Variants in WNT2B observed in about 807,000 individuals in gnomAD.
The protein encoded by WNT2B is protein Wnt-2b.
WNT2B carries 19 observed loss-of-function variants against 40.5 expected under a neutral mutation model. The ratio of observed to expected loss-of-function variants is 0.47; its 90% CI spans 0.33 to 0.69. WNT2B has a LOEUF of 0.69. WNT2B is among the 30% of genes least tolerant of loss of function. The pLI, the probability that WNT2B is intolerant of heterozygous loss-of-function variation, is 0.02. For synonymous variants in WNT2B, 220 were observed against 211.9 expected, an observed-to-expected ratio of 1.04 and a Z score of -0.33; for missense variants, 467 against 556.4, an observed-to-expected ratio of 0.84 and a Z score of 1.62.
At chr1:112,483,893 A>G (rs896627735) in intron 1 of WNT2B, among the ~76,000 whole-genome samples, 1 of 151,014 alleles carries the variant, frequency 6.6e-6, no homozygotes, top group Non-Finnish European at 1.5e-5. Flanking sequence ...CAGATGGCCA[A>G]TAAGTATATG....
In WNT2B at chr1:112,527,601, T is replaced by A. The variant is rs1653668593; in HGVS notation, c.*7092T>A. On this transcript the variant is annotated 3_prime_UTR_variant, in exon 5 of 5. Transcript: ENST00000369684. ...AGCAGGAGAGTGTTGAATGAGCTGC[T>A]GATGACAGCAGCTTCATAGGTCTTG... 6.5e-6 allele frequency: 1 copy of A among 152,674 alleles called. No homozygotes were observed. Among genetic ancestry groups the A allele is most frequent in the South Asian group, 2.1e-4 (1 of 4,830 alleles). The allele number at this position is 152,674 out of a possible 1,614,324, so 9.5% of individuals were successfully genotyped here.
chr1:112,479,402 C>T (rs969227565), intron 1 of WNT2B, among the ~76,000 whole-genome samples: 5 of 150,574 alleles, frequency 3.3e-5, no homozygotes, highest in Non-Finnish European at 5.9e-5. Context: ...GGTGAAACCC[C>T]GTCTCTACTA....
At position 112,520,797 on chromosome 1, in the gene WNT2B, A is replaced by G. The variant is rs758262425; in HGVS notation, c.*288A>G. ...TCTTTAGAGTGAAATGAGTTGCACTAAAGTACGTAGTTGAGGCTCCTTTTT... is the reference window on the plus strand; with the variant it reads ...TCTTTAGAGTGAAATGAGTTGCACTGAAGTACGTAGTTGAGGCTCCTTTTT... On this transcript the variant is annotated 3_prime_UTR_variant, in exon 5 of 5. Transcript: ENST00000369684. 6.7e-6 allele frequency: 3 copies of G among 449,042 alleles called. No individual in the cohort carries two copies. Among genetic ancestry groups the G allele is most frequent in the Admixed American group, 3.7e-5 (1 of 27,054 alleles). The allele number at this position is 449,042 out of a possible 1,614,324, so 27.8% of individuals were successfully genotyped here.
chr1:112,470,808 G>A (rs1323242493), intron 1 of WNT2B, among the ~76,000 whole-genome samples: 1 of 152,096 alleles, frequency 6.6e-6, no homozygotes, highest in East Asian at 1.9e-4. Flanking sequence ...GGAGGCGGTG[G>A]GATGGGTGGA....
intron 1 of WNT2B, among the ~76,000 whole-genome samples, chr1:112,493,588 C>G (rs1651671795): frequency 6.6e-6 from 1 of 152,062 alleles, no homozygotes; most frequent in Admixed American, 6.6e-5. Flanking sequence ...CACCCTTACA[C>G]TCCAGTCTGG....
At chr1:112,486,529 T>G (rs1651423253) in intron 1 of WNT2B, among the ~76,000 whole-genome samples, 1 of 152,106 alleles carries the variant, frequency 6.6e-6, no homozygotes, top group Admixed American at 6.5e-5. Context: ...AATTTAAAAC[T>G]TCTGCTGTTC....
intron 1 of WNT2B, among the ~76,000 whole-genome samples, chr1:112,500,264 A>G (rs753632099): frequency 1.3e-5 from 2 of 152,222 alleles, no homozygotes; most frequent in Non-Finnish European, 2.9e-5. Flanking sequence ...GTAGAAGCAC[A>G]TAAGAGAATT....
chr1:112,509,256 G>A lies in WNT2B; in HGVS notation c.-7G>A, dbSNP rs748840317. 2.6e-6 allele frequency: 4 copies of A among 1,516,318 alleles called. No individual in the cohort carries two copies. In the African/African-American group the frequency reaches 5.7e-5, roughly 22 times the overall value. The allele number at this position is 1,516,318 out of a possible 1,614,324, so 93.9% of individuals were successfully genotyped here. On this transcript the variant is annotated 5_prime_UTR_variant, in exon 1 of 5. Coordinates refer to ENST00000369684, the MANE Select transcript of WNT2B (RefSeq NM_024494.3). This position sits in a 1 kb window ranked among gnomAD's most constrained non-coding sequence, Gnocchi z 4.2. Reference sequence around the variant, plus strand: ...CCGGGCTGCGCGGCGGGAGTCTTCGGGGAGCTATGCTGAGACCGGGTGGTG... The same window carrying A: ...CCGGGCTGCGCGGCGGGAGTCTTCGAGGAGCTATGCTGAGACCGGGTGGTG...
At chr1:112,474,360 G>A (rs1306332257) in intron 1 of WNT2B, among the ~76,000 whole-genome samples, 1 of 152,058 alleles carries the variant, frequency 6.6e-6, no homozygotes, top group Non-Finnish European at 1.5e-5. Flanking sequence ...GCGTTAGCCA[G>A]GATGGTCTCA....
rs1652249794 is a variant in WNT2B at position 112,509,282 on chromosome 1, C to T, written c.20C>T (p.Ala7Val). The part of the protein sequence containing the change: MLRPGG[A>V]EEAAQLPLRR... ...GGAGCTATGCTGAGACCGGGTGGTG[C>T]GGAGGAAGCTGCGCAGCTCCCGCTT... is the stretch of plus-strand genomic sequence containing the variant. Residue 7 changes from alanine (A) to valine (V), a missense_variant, in exon 1 of 5, where the codon GCG (alanine) becomes GTG (valine). Ala to Val is a moderately conservative substitution (Grantham distance 64). This residue lies in a region of WNT2B where 137 missense variants were observed against 117.7 expected (regional missense o/e 1.16). Transcript: ENST00000369684. This position sits in a 1 kb window ranked among gnomAD's most constrained non-coding sequence, Gnocchi z 4.2. The T allele has an allele frequency of 2.0e-6, 3 of 1,538,182 alleles. No individual in the cohort carries two copies. The highest frequency in any genetic ancestry group is 2.0e-5 in the Admixed American group (1 of 50,028).
rs1224128678 is a variant in WNT2B at position 112,526,329 on chromosome 1, A to G, written c.*5820A>G. The G allele has an allele frequency of 4.3e-6, 2 of 462,458 alleles. No individual in the cohort carries two copies. The highest frequency in any genetic ancestry group is 7.4e-6 in the Non-Finnish European group (2 of 268,520). 28.6% of individuals were successfully genotyped at this position (462,458 alleles called of 1,614,324 possible). On this transcript the variant is annotated 3_prime_UTR_variant, in exon 5 of 5. Coordinates refer to ENST00000369684, the MANE Select transcript of WNT2B (RefSeq NM_024494.3). ...TTAAACAACTCTGGCTCCTAATTCT[A>G]CTCCTTTTTTCCCCTTCAGATTAAC...
At position 112,520,466 on chromosome 1, in the gene WNT2B, C is replaced by T. The variant is rs372190907; in HGVS notation, c.1133C>T (p.Thr378Ile). 1 of 1,614,082 alleles carries T rather than the reference C, an allele frequency of 6.2e-7. No homozygotes were observed. Among genetic ancestry groups the T allele is most frequent in the Non-Finnish European group, 8.5e-7 (1 of 1,180,048 alleles). The change falls in exon 5 of 5, where the codon ACT (threonine) becomes ATT (isoleucine). Residue 378 changes from threonine (T) to isoleucine (I), a missense_variant. Coordinates refer to ENST00000369684, the MANE Select transcript of WNT2B (RefSeq NM_024494.3). ...KECRNTVDVH[T>I]CKAPKKAEWL... The stretch of plus-strand genomic sequence containing the variant: ...TGCAGAAATACTGTGGACGTCCATA[C>T]TTGCAAAGCCCCCAAGAAGGCAGAG...
chr1:112,467,618 T>G, intron 1 of WNT2B: 1 of 777,106 alleles, frequency 1.3e-6, no homozygotes, highest in Non-Finnish European at 2.4e-6. Context: ...ACTACTTTAT[T>G]TAATACTTGT....
chr1:112,494,035 C>T (rs527334988), intron 1 of WNT2B, among the ~76,000 whole-genome samples: 6 of 152,032 alleles, frequency 3.9e-5, no homozygotes, highest in South Asian at 2.1e-4. Context: ...ACCGGCCAGG[C>T]GCGGTGGCTC....
At position 112,522,032 on chromosome 1, in the gene WNT2B, T is replaced by C. The variant is rs182046465; in HGVS notation, c.*1523T>C. On this transcript the variant is annotated 3_prime_UTR_variant, in exon 5 of 5. Transcript: ENST00000369684. ...ATACGTACCTGTTCTTTTTTTTCTT[T>C]CTTTTTATTTCTTTTAGAGATAGGG... 205 of 152,284 alleles carry C rather than the reference T, an allele frequency of 1.3e-3. No individual in the cohort carries two copies. Among genetic ancestry groups the C allele is most frequent in the African/African-American group, 4.7e-3 (197 of 41,546 alleles). 9.4% of individuals were successfully genotyped at this position (152,284 alleles called of 1,614,324 possible). A position where few individuals can be genotyped will look rare whatever the true frequency, so the allele number is the denominator to read the frequency against.
upstream of WNT2B, among the ~76,000 whole-genome samples, chr1:112,507,973 T>A (rs1161157271): frequency 2.6e-5 from 4 of 152,132 alleles, no homozygotes; most frequent in Non-Finnish European, 4.4e-5. Context: ...GGAGAGTCTC[T>A]TTCGGCAGAC....
At chr1:112,474,724 A>T (rs1313614258) in intron 1 of WNT2B, among the ~76,000 whole-genome samples, 1 of 152,114 alleles carries the variant, frequency 6.6e-6, no homozygotes, top group East Asian at 1.9e-4. Context: ...CCCCACCCAA[A>T]TCTCATGTCG....
At chr1:112,504,980 A>G (rs1000937529), upstream of WNT2B, among the ~76,000 whole-genome samples, 1 of 152,206 alleles carries the variant, frequency 6.6e-6, no homozygotes, top group African/African-American at 2.4e-5. Context: ...GCCAGCAAAA[A>G]TTCAAAATCA....
At chr1:112,493,494 C>A (rs763643042) in intron 1 of WNT2B, among the ~76,000 whole-genome samples, 3 of 151,984 alleles carry the variant, frequency 2.0e-5, no homozygotes, top group Non-Finnish European at 4.4e-5. Flanking sequence ...TGGTGGTGCA[C>A]GCTTGTGGTC....
Sources: allele counts gnomAD v4.1 joint callset (sites outside exome capture counted in the v4.1 genomes callset), GRCh38; gene constraint gnomAD v4.1.1; regional missense constraint gnomAD v4.1.1; non-coding constraint Gnocchi (gnomAD v3.1); transcripts MANE v1.5; gene names NCBI Gene and HGNC (gene_info 2026-07-23, HGNC 2026-07-21).